KLHL7: variants seen among roughly 807,000 people sequenced by gnomAD.
The protein encoded by KLHL7 is kelch-like protein 7.
KLHL7 carries 44 observed loss-of-function variants against 67.4 expected under a neutral mutation model. The observed-to-expected ratio is 0.65, with a 90% CI of 0.51 to 0.84. The LOEUF is 0.84. KLHL7 is among the 40% of genes least tolerant of loss of function. The pLI is 0.00. For synonymous variants in KLHL7, 252 were observed against 243.3 expected (o/e 1.04, Z -0.33); for missense variants, 362 against 718.1 (o/e 0.50, Z 5.67).
At chr7:23,144,074 T>C in intron 6 of KLHL7, 49 bp downstream of exon 6, 1 of 1,493,176 alleles carries the variant, frequency 6.7e-7, no homozygotes, top group Non-Finnish European at 9.3e-7. Flanking sequence ...AGCCAGTTTC[T>C]CATGGGCTTA....
intron 4 of KLHL7, among the ~76,000 whole-genome samples, chr7:23,135,056 A>C (rs2128462972): frequency 1.3e-5 from 2 of 151,994 alleles, no homozygotes; most frequent in Middle Eastern, 3.4e-3. Flanking sequence ...TCCTCTCTTG[A>C]TGTAGGCACT....
At chr7:23,160,455 A>C (rs1197353438) in intron 7 of KLHL7, among the ~76,000 whole-genome samples, 1 of 152,220 alleles carries the variant, frequency 6.6e-6, no homozygotes, top group African/African-American at 2.4e-5. Flanking sequence ...GACAGGAAGA[A>C]CATTTTGTGA....
At chr7:23,112,204 T>C (rs531406282) in intron 1 of KLHL7, among the ~76,000 whole-genome samples, 2 of 152,342 alleles carry the variant, frequency 1.3e-5, no homozygotes, top group Non-Finnish European at 2.9e-5. Context: ...GTGTCACTTA[T>C]GATCTCTAGG....
chr7:23,149,975 A>G (rs190265578), intron 6 of KLHL7, among the ~76,000 whole-genome samples: 1 of 152,318 alleles, frequency 6.6e-6, no homozygotes, highest in African/African-American at 2.4e-5. Flanking sequence ...ACATAGCCTC[A>G]TTTATAGAAA....
chr7:23,106,792 A>C (rs1306868356), intron 1 of KLHL7: 1 of 984,960 alleles, frequency 1.0e-6, no homozygotes, highest in Non-Finnish European at 1.2e-6. Context: ...ACATCGGCGA[A>C]AGGTGGGTTA....
chr7:23,106,587 A>G lies in KLHL7; in HGVS notation c.120+441A>G, dbSNP rs1782650521. The G allele has an allele frequency of 3.8e-6, 4 of 1,039,432 alleles. No individual in the cohort carries two copies. In the South Asian group the frequency reaches 1.3e-4, roughly 35 times the overall value. The allele number at this position is 1,039,432 out of a possible 1,614,324, so 64.4% of individuals were successfully genotyped here. On this transcript the variant is annotated intron_variant, in intron 1 of 10. Transcript: ENST00000339077. ...CTGGCCTGACATCAGCTGCTCTTAAATAAGGATCCCCGCCCCCTCCTGTGT... is the reference window on the plus strand; with the variant it reads ...CTGGCCTGACATCAGCTGCTCTTAAGTAAGGATCCCCGCCCCCTCCTGTGT...
rs1785304761 is a variant in KLHL7, at chr7:23,176,879, TAGG to T, written c.*2584_*2586del. 6.6e-6 allele frequency: 1 copy of T among 152,064 alleles called. No homozygotes were observed. Among genetic ancestry groups the T allele is most frequent in the Non-Finnish European group, 1.5e-5 (1 of 68,116 alleles). 9.4% of individuals were successfully genotyped at this position (152,064 alleles called of 1,614,324 possible). ...GTCCCAGCTACTCAGGAGGCTGAGG[TAGG>T]AGAATTGCTTGAACCTGGGAGGCAG... On this transcript the variant is annotated 3_prime_UTR_variant, in exon 11 of 11. Transcript: ENST00000339077.
intron 4 of KLHL7, among the ~76,000 whole-genome samples, chr7:23,137,854 A>G (rs575048187): frequency 1.6e-5 from 2 of 122,414 alleles, no homozygotes; most frequent in East Asian, 4.7e-4. Flanking sequence ...GGCATAAACC[A>G]CTGTGCCCAG....
At chr7:23,166,083 A>G in intron 8 of KLHL7, 145 bp downstream of exon 8, 1 of 965,366 alleles carries the variant, frequency 1.0e-6, no homozygotes, top group Non-Finnish European at 1.6e-6. Context: ...TTTAGAGCTC[A>G]TCTCCCTGAA....
intron 1 of KLHL7, among the ~76,000 whole-genome samples, chr7:23,116,761 C>T (rs1783107089): frequency 6.6e-6 from 1 of 152,136 alleles, no homozygotes; most frequent in South Asian, 2.1e-4. Flanking sequence ...TAACTTAGAG[C>T]TGGACTACTT....
At chr7:23,163,487 T>C (rs1173517395) in intron 7 of KLHL7, among the ~76,000 whole-genome samples, 1 of 152,178 alleles carries the variant, frequency 6.6e-6, no homozygotes, top group African/African-American at 2.4e-5. Context: ...CTTTTACTCT[T>C]GTAGGAGCAA....
chr7:23,127,180 T>G (rs1430847423), intron 4 of KLHL7, among the ~76,000 whole-genome samples: 1 of 152,194 alleles, frequency 6.6e-6, no homozygotes, highest in Non-Finnish European at 1.5e-5. Flanking sequence ...CTGGGGTGAT[T>G]CAACTACAAA....
intron 9 of KLHL7, chr7:23,172,709 C>T: frequency 2.7e-6 from 1 of 370,998 alleles, no homozygotes; most frequent in South Asian, 4.8e-5. Flanking sequence ...TAGATATCCT[C>T]ATTTTCTTAT....
At chr7:23,107,135 T>C (rs1166009322) in intron 1 of KLHL7, among the ~76,000 whole-genome samples, 1 of 152,256 alleles carries the variant, frequency 6.6e-6, no homozygotes, top group Non-Finnish European at 1.5e-5. Flanking sequence ...AAGCAAACGC[T>C]GACTGCTGGG....
rs36109017 is a variant in KLHL7, at chr7:23,155,555, TG to T, written c.936+3350del. 3.9e-3 allele frequency among the ~76,000 whole-genome samples: 597 copies of T among 151,146 alleles called. 4 individuals carry two copies. The highest frequency in any genetic ancestry group is 0.014 in the African/African-American group (574 of 41,138). On this transcript the variant is annotated intron_variant, in intron 7 of 10. Transcript: ENST00000339077. ...GGCAGGCGCCTGTAATCCCAGCTAC[TG>T]GGGAGGCTGAGGCAGGATAATCGCT...
At chr7:23,126,579 G>A (rs1306152235) in intron 4 of KLHL7, among the ~76,000 whole-genome samples, 1 of 152,184 alleles carries the variant, frequency 6.6e-6, no homozygotes, top group Non-Finnish European at 1.5e-5. Flanking sequence ...AAAGACTGAT[G>A]CAAAGGGCTC....
intron 7 of KLHL7, among the ~76,000 whole-genome samples, chr7:23,153,528 A>G (rs1305996317): frequency 6.6e-6 from 1 of 152,160 alleles, no homozygotes; most frequent in Non-Finnish European, 1.5e-5. Flanking sequence ...ATTGTTCAAG[A>G]TGGGTTAATG....
intron 1 of KLHL7, chr7:23,106,501 T>G: frequency 8.7e-7 from 1 of 1,154,572 alleles, no homozygotes; most frequent in Non-Finnish European, 1.1e-6. Context: ...TGCCGTGAGA[T>G]CTTGTGTGAA....
chr7:23,157,406 T>G (rs760994992), intron 7 of KLHL7, among the ~76,000 whole-genome samples: 2 of 152,150 alleles, frequency 1.3e-5, no homozygotes. Flanking sequence ...CCCTTAAGCT[T>G]CCTTAGTTGT....
Sources: allele counts gnomAD v4.1 joint callset (sites outside exome capture counted in the v4.1 genomes callset), GRCh38; gene constraint gnomAD v4.1.1; transcripts MANE v1.5; gene names NCBI Gene and HGNC (gene_info 2026-07-23, HGNC 2026-07-21).